PHF24: variants seen among roughly 807,000 people sequenced by gnomAD.
PHF24 encodes PHD finger protein 24, also known as Galpha inhibitory interacting protein.
PHF24 carries 25 observed loss-of-function variants against 42.6 expected under a neutral mutation model. The observed-to-expected ratio is 0.59, with a 90% CI of 0.43 to 0.82. PHF24 has a LOEUF of 0.82. Ranked by LOEUF, PHF24 falls within the 40% of genes least tolerant of loss-of-function variation. PHF24 has a pLI of 0.00. For synonymous variants in PHF24, 185 were observed against 204.8 expected, an observed-to-expected ratio of 0.90 and a Z score of 0.83; for missense variants, 470 against 538.1, an observed-to-expected ratio of 0.87 and a Z score of 1.25.
chr9:34,797,960 A>T, the PHF24 span, among the ~76,000 whole-genome samples: 2 of 152,134 alleles, frequency 1.3e-5, no homozygotes, highest in African/African-American at 4.8e-5. Context: ...ATGATATTGT[A>T]TCATTCCATG....
the PHF24 span, among the ~76,000 whole-genome samples, chr9:34,892,120 A>G: frequency 6.6e-6 from 1 of 152,222 alleles, no homozygotes. Flanking sequence ...TAAGGTAGCT[A>G]CAGATGTGGC....
At chr9:34,835,220 C>T in the PHF24 span, 52,306 of 1,497,970 alleles carry the variant, frequency 0.035, 1,042 homozygotes, top group African/African-American at 0.23. Context: ...CACACATGAA[C>T]ACCAGGTCTG....
At chr9:34,979,084 C>T (rs1197285901) in exon 8 of PHF24, 2 of 152,150 alleles carry the variant, frequency 1.3e-5, no homozygotes, top group Non-Finnish European at 2.9e-5. Context: ...GAGGAGAGAA[C>T]GGGGCTCTGC....
the PHF24 span, among the ~76,000 whole-genome samples, chr9:34,672,501 T>C: frequency 6.6e-6 from 1 of 152,182 alleles, no homozygotes; most frequent in African/African-American, 2.4e-5. Context: ...AATTTATTTC[T>C]TACAGTTATG....
the PHF24 span, among the ~76,000 whole-genome samples, chr9:34,806,362 C>T: frequency 6.6e-6 from 1 of 152,118 alleles, no homozygotes; most frequent in African/African-American, 2.4e-5. Flanking sequence ...TTAAAAAAAT[C>T]TTTACTTAGC....
the PHF24 span, among the ~76,000 whole-genome samples, chr9:34,906,379 C>T: frequency 1.1e-3 from 161 of 152,156 alleles, no homozygotes; most frequent in Middle Eastern, 0.01. Flanking sequence ...AGATCTTACA[C>T]GTTATACATG....
At chr9:34,962,424 C>T (rs1356148187) in intron 1 of PHF24, among the ~76,000 whole-genome samples, 1 of 151,814 alleles carries the variant, frequency 6.6e-6, no homozygotes, top group Non-Finnish European at 1.5e-5. Flanking sequence ...TCAAGCAACA[C>T]CTTTTTTTTT....
Position 34,970,287 on chromosome 9 carries a change from T to C in PHF24, c.-4-1008T>C, listed in dbSNP as rs62544112. On this transcript the variant is annotated intron_variant, in intron 1 of 7. Coordinates refer to ENST00000242315, the Ensembl canonical transcript of PHF24. ...CCACAGAGAAGAGCAGGTCTGATGT[T>C]ACTTTTTAACCTGTAAAGGATATGG... Among the ~76,000 whole-genome samples the C allele has an allele frequency of 6.4e-3, 972 of 152,318 alleles. 51 individuals are homozygous for C. The East Asian group carries it at 0.14, about 22-fold the overall frequency.
chr9:34,908,931 TCC>T, the PHF24 span, among the ~76,000 whole-genome samples: 1 of 146,584 alleles, frequency 6.8e-6, no homozygotes, highest in Non-Finnish European at 1.5e-5. Flanking sequence ...CACTCCAACC[TCC>T]ACCTCCCAGG....
chr9:34,780,281 CTTTT>C, the PHF24 span, among the ~76,000 whole-genome samples: 1 of 118,294 alleles, frequency 8.5e-6, no homozygotes, highest in Non-Finnish European at 1.8e-5. Context: ...TCTCTTCTTT[CTTTT>C]TTTTCTTTTT....
the PHF24 span, among the ~76,000 whole-genome samples, chr9:34,893,616 AAAAAG>A: frequency 2.0e-5 from 3 of 151,966 alleles, no homozygotes; most frequent in Non-Finnish European, 2.9e-5. Context: ...AAAAAAAAGA[AAAAAG>A]AAAAGAAAAA....
At chr9:34,972,245 G>T in intron 2 of PHF24, 101 bp from the exon 3 acceptor site, 1 of 1,051,406 alleles carries the variant, frequency 9.5e-7, no homozygotes, top group Non-Finnish European at 1.4e-6. Context: ...AGGCTAATCT[G>T]GGAAGACTCA....
At chr9:34,930,036 A>G in the PHF24 span, among the ~76,000 whole-genome samples, 1 of 152,228 alleles carries the variant, frequency 6.6e-6, no homozygotes, top group Non-Finnish European at 1.5e-5. Context: ...TGTTATAATC[A>G]TAAAGAATAC....
chr9:34,975,655 T>C (rs1339950999), intron 3 of PHF24, among the ~76,000 whole-genome samples: 1 of 152,188 alleles, frequency 6.6e-6, no homozygotes, highest in Non-Finnish European at 1.5e-5. Context: ...CTGGGGTTAT[T>C]TAAAGTGATA....
chr9:34,835,887 G>T, the PHF24 span: 1 of 981,606 alleles, frequency 1.0e-6, no homozygotes, highest in East Asian at 2.6e-5. Context: ...AGATCTCTAG[G>T]CAAGAGGAGA....
the PHF24 span, among the ~76,000 whole-genome samples, chr9:34,842,899 T>G: frequency 6.6e-6 from 1 of 152,244 alleles, no homozygotes; most frequent in Non-Finnish European, 1.5e-5. Context: ...CAATCCTTTT[T>G]AATTTTAGCC....
At chr9:34,852,608 T>C in the PHF24 span, among the ~76,000 whole-genome samples, 3 of 152,258 alleles carry the variant, frequency 2.0e-5, no homozygotes, top group South Asian at 6.2e-4. Flanking sequence ...CACTGTCTTC[T>C]AGCCTATAAA....
chr9:34,852,643 A>C, the PHF24 span, among the ~76,000 whole-genome samples: 1 of 152,218 alleles, frequency 6.6e-6, no homozygotes, highest in African/African-American at 2.4e-5. Context: ...GTCTGCTATT[A>C]GCCTTATTGA....
At chr9:34,671,957 A>T in the PHF24 span, among the ~76,000 whole-genome samples, 1 of 151,908 alleles carries the variant, frequency 6.6e-6, no homozygotes, top group Non-Finnish European at 1.5e-5. Context: ...GTTCATCTGT[A>T]TGTTCAACCA....
Sources: gnomAD v4.1 joint callset for allele counts (sites outside exome capture counted in the v4.1 genomes callset) on GRCh38, gnomAD v4.1.1 for gene constraint, MANE v1.5 for transcripts, NCBI Gene and HGNC (gene_info 2026-07-23, HGNC 2026-07-21) for gene names.